Variants in FARP1 observed in about 807,000 individuals in gnomAD.
FARP1 encodes FERM, ARH/RhoGEF and pleckstrin domain protein 1, also known as FERM, ARHGEF and pleckstrin domain-containing protein 1.
FARP1 carries 52 observed loss-of-function variants against 128.8 expected under a neutral mutation model. The observed-to-expected ratio is 0.40, with a 90% CI of 0.32 to 0.51. FARP1 has a LOEUF of 0.51. Ranked by LOEUF, FARP1 falls within the 20% of genes least tolerant of loss-of-function variation. The probability of loss-of-function intolerance (pLI) is 0.45; values close to 1 mark genes in which losing one functional copy is unlikely to be tolerated. For missense variants in FARP1, 1,333 were observed against 1,367.9 expected (o/e 0.97, Z 0.40); for synonymous variants, 580 against 551.8 (o/e 1.05, Z -0.72).
At chr13:98,193,831 C>T (rs1210372906) in intron 1 of FARP1, among the ~76,000 whole-genome samples, 3 of 152,208 alleles carry the variant, frequency 2.0e-5, no homozygotes, top group African/African-American at 7.2e-5. Flanking sequence ...CTGATTTAGT[C>T]TTAATGAAGC....
intron 1 of FARP1, among the ~76,000 whole-genome samples, chr13:98,161,992 A>G (rs1417599215): frequency 1.3e-5 from 2 of 151,908 alleles, no homozygotes; most frequent in African/African-American, 4.8e-5. Context: ...TATCTTCCCC[A>G]GGCTGGTCTC....
chr13:98,231,693 C>T (rs2139406162), intron 2 of FARP1, among the ~76,000 whole-genome samples: 1 of 152,270 alleles, frequency 6.6e-6, no homozygotes, highest in South Asian at 2.1e-4. Context: ...TCTGCCTTGG[C>T]CTCCGAAAGT....
In FARP1 at chr13:98,454,799, C is replaced by T. The variant is rs1220700683; in HGVS notation, c.*6482C>T. On this transcript the variant is annotated 3_prime_UTR_variant, in exon 27 of 27. Transcript: ENST00000319562. Reference sequence around the variant, plus strand: ...GGAGCAGGGAAGGAAGAAGTGGGTACCACAGCCAAGCCTGCAGAGAGATGA... The same window carrying T: ...GGAGCAGGGAAGGAAGAAGTGGGTATCACAGCCAAGCCTGCAGAGAGATGA... The T allele has an allele frequency of 2.6e-5, 4 of 152,224 alleles. No individual in the cohort carries two copies. The East Asian group carries it at 7.7e-4, about 29-fold the overall frequency. 9.4% of individuals were successfully genotyped at this position (152,224 alleles called of 1,614,324 possible).
At chr13:98,174,777 A>G (rs1014961180) in intron 1 of FARP1, among the ~76,000 whole-genome samples, 3 of 152,144 alleles carry the variant, frequency 2.0e-5, no homozygotes, top group African/African-American at 7.2e-5. Flanking sequence ...ACTGTTCTAA[A>G]TATGTTAATT....
At chr13:98,302,759 A>G (rs1461760874) in intron 2 of FARP1, among the ~76,000 whole-genome samples, 5 of 152,182 alleles carry the variant, frequency 3.3e-5, no homozygotes, top group Admixed American at 2.6e-4. Flanking sequence ...AGCATGGTTG[A>G]TATTGATCCC....
At chr13:98,300,546 G>A (rs552774342) in intron 2 of FARP1, among the ~76,000 whole-genome samples, 4 of 152,182 alleles carry the variant, frequency 2.6e-5, no homozygotes, top group Non-Finnish European at 4.4e-5. Flanking sequence ...TATACAAAAT[G>A]TGTTCTGTAC....
At chr13:98,444,367 G>GGTCC in intron 24 of FARP1, among the ~76,000 whole-genome samples, 1 of 152,076 alleles carries the variant, frequency 6.6e-6, no homozygotes, top group Admixed American at 6.5e-5. Flanking sequence ...GAGGGAATGG[G>GGTCC]ATCCAAGAAG....
rs139448320 is a variant in FARP1, at chr13:98,252,006, C to G, written c.171+38593C>G. ...GGGATTGCAGGATCCTGCCACCATG[C>G]CCGGTTATTTTTTGTATTTTTAGTA... On this transcript the variant is annotated intron_variant, in intron 2 of 26. Coordinates refer to ENST00000319562, the MANE Select transcript of FARP1 (RefSeq NM_005766.4). Among the ~76,000 whole-genome samples the G allele has an allele frequency of 7.0e-4, 102 of 145,060 alleles. 5 individuals are homozygous for G. In the East Asian group the frequency reaches 0.033, roughly 47 times the overall value.
chr13:98,430,078 AAAAT>A (rs1271036936), intron 17 of FARP1, among the ~76,000 whole-genome samples: 2 of 152,056 alleles, frequency 1.3e-5, no homozygotes, highest in African/African-American at 2.4e-5. Context: ...CCTGTCTCTA[AAAAT>A]AAATAAATAA....
At chr13:98,168,002 C>T (rs955006592) in intron 1 of FARP1, among the ~76,000 whole-genome samples, 1 of 151,862 alleles carries the variant, frequency 6.6e-6, no homozygotes, top group Non-Finnish European at 1.5e-5. Context: ...GAAACCCCGT[C>T]TCTACTAAAA....
intron 1 of FARP1, among the ~76,000 whole-genome samples, chr13:98,165,157 G>C (rs1442651391): frequency 7.0e-6 from 1 of 143,874 alleles, no homozygotes; most frequent in Non-Finnish European, 1.5e-5. Context: ...GGAGGTTGCA[G>C]TGAGCCGAGA....
At chr13:98,387,969 A>C (rs1221321887) in intron 8 of FARP1, among the ~76,000 whole-genome samples, 2 of 152,228 alleles carry the variant, frequency 1.3e-5, no homozygotes, top group Admixed American at 6.5e-5. Context: ...GTATAAAATG[A>C]AAATAGTAAG....
chr13:98,178,918 C>T (rs1878301469), intron 1 of FARP1, among the ~76,000 whole-genome samples: 1 of 152,230 alleles, frequency 6.6e-6, no homozygotes, highest in Admixed American at 6.5e-5. Context: ...TTGGTTATCT[C>T]CAGCTGTTTA....
At chr13:98,374,489 G>A (rs1889493293) in intron 5 of FARP1, among the ~76,000 whole-genome samples, 1 of 152,126 alleles carries the variant, frequency 6.6e-6, no homozygotes, top group Non-Finnish European at 1.5e-5. Flanking sequence ...ATTGCATCTA[G>A]TTAGTATGTC....
chr13:98,166,690 C>G (rs1877286074), intron 1 of FARP1, among the ~76,000 whole-genome samples: 1 of 151,690 alleles, frequency 6.6e-6, no homozygotes, highest in Non-Finnish European at 1.5e-5. Flanking sequence ...TTTCACCTGT[C>G]CTAATCTGAT....
chr13:98,343,982 C>A, intron 3 of FARP1, 116 bp downstream of exon 3: 2 of 732,512 alleles, frequency 2.7e-6, no homozygotes, highest in Non-Finnish European at 2.4e-6. Flanking sequence ...TCTGTTTTGT[C>A]TGTGAAGTCT....
At position 98,409,514 on chromosome 13, in the gene FARP1, G is replaced by A. The variant is rs1212416136; in HGVS notation, c.1591G>A (p.Gly531Ser). ...CCCCCGGACGGACGATGAGGATGAGGGCCGGAGGAAGGTACAGGGCCGAGG... is the reference window on the plus strand; with the variant it reads ...CCCCCGGACGGACGATGAGGATGAGAGCCGGAGGAAGGTACAGGGCCGAGG... ...ACPRTDDEDEGRRKRFPTDKA... is the reference protein window; with the variant it reads ...ACPRTDDEDESRRKRFPTDKA... The change falls in exon 14 of 27, where the codon GGC becomes AGC. Residue 531 changes from glycine to serine, a missense_variant. Transcript: ENST00000319562. 1.2e-6 allele frequency: 2 copies of A among 1,610,864 alleles called. No homozygotes were observed. The highest frequency in any genetic ancestry group is 2.2e-5 in the East Asian group (1 of 44,738).
intron 25 of FARP1, 66 bp downstream of exon 25, chr13:98,446,271 CG>C: frequency 1.9e-6 from 2 of 1,034,432 alleles, no homozygotes; most frequent in Non-Finnish European, 3.0e-6. Flanking sequence ...GTGAGGGGGC[CG>C]CCCTCCTCTG....
Position 98,450,342 on chromosome 13 carries a change from A to ATGTT in FARP1, c.*2027_*2030dup, listed in dbSNP as rs112214280. 6.6e-5 allele frequency: 10 copies of ATGTT among 152,372 alleles called. No individual in the cohort carries two copies. The highest frequency in any genetic ancestry group is 1.9e-4 in the African/African-American group (8 of 41,586). The allele number at this position is 152,372 out of a possible 1,614,324, so 9.4% of individuals were successfully genotyped here. ...TTTTTAAAGGAGGGAAATATAAAAA[A>ATGTT]TGTTTATAAACTGACAGTGTTTTGC... On this transcript the variant is annotated 3_prime_UTR_variant, in exon 27 of 27. Transcript: ENST00000319562.
Sources: allele counts gnomAD v4.1 joint callset (sites outside exome capture counted in the v4.1 genomes callset), GRCh38; gene constraint gnomAD v4.1.1; transcripts MANE v1.5; gene names NCBI Gene and HGNC (gene_info 2026-07-23, HGNC 2026-07-21).